Variants in C7orf78 observed in about 807,000 individuals in gnomAD.
C7orf78 encodes chromosome 7 open reading frame 78.
At chr7:12,517,935 G>T in the C7orf78 span, among the ~76,000 whole-genome samples, 9 of 151,976 alleles carry the variant, frequency 5.9e-5, no homozygotes, top group East Asian at 1.5e-3. Context: ...ATTCCTTTGG[G>T]GGTGTCATAT....
the C7orf78 span, among the ~76,000 whole-genome samples, chr7:12,496,141 G>A: frequency 5.9e-5 from 9 of 152,232 alleles, no homozygotes; most frequent in South Asian, 1.9e-3. Context: ...TAGCCAGGAT[G>A]GTCTCGATCT....
At chr7:12,516,711 G>A in the C7orf78 span, among the ~76,000 whole-genome samples, 289 of 152,338 alleles carry the variant, frequency 1.9e-3, 3 homozygotes, top group African/African-American at 6.4e-3. Context: ...TGACCTGGAT[G>A]TGAGACCTGG....
chr7:12,520,394 G>A, the C7orf78 span, among the ~76,000 whole-genome samples: 1 of 152,138 alleles, frequency 6.6e-6, no homozygotes, highest in Middle Eastern at 3.2e-3. Flanking sequence ...TTCCTTCTTA[G>A]AACTGCTTTT....
chr7:12,528,159 G>T, the C7orf78 span, among the ~76,000 whole-genome samples: 1 of 146,936 alleles, frequency 6.8e-6, no homozygotes, highest in African/African-American at 2.5e-5. Flanking sequence ...ACTCACTTTG[G>T]TAGAAAATGC....
At chr7:12,502,184 T>A in the C7orf78 span, among the ~76,000 whole-genome samples, 1 of 93,066 alleles carries the variant, frequency 1.1e-5, no homozygotes, top group Non-Finnish European at 2.2e-5. Flanking sequence ...AAGGACTTCA[T>A]GTCTAAAACA....
At chr7:12,521,466 G>A in the C7orf78 span, among the ~76,000 whole-genome samples, 1 of 151,578 alleles carries the variant, frequency 6.6e-6, no homozygotes, top group African/African-American at 2.4e-5. Context: ...TTCATAAACT[G>A]TTTCTTCTCC....
chr7:12,522,789 G>A, the C7orf78 span, among the ~76,000 whole-genome samples: 1 of 152,082 alleles, frequency 6.6e-6, no homozygotes. Flanking sequence ...CTGTGACAAA[G>A]GTGCTGAATA....
chr7:12,522,018 G>GA, the C7orf78 span, among the ~76,000 whole-genome samples: 1 of 151,862 alleles, frequency 6.6e-6, no homozygotes, highest in Non-Finnish European at 1.5e-5. Context: ...ACAAATTTTT[G>GA]AAAATGGACA....
chr7:12,515,596 A>G, the C7orf78 span, among the ~76,000 whole-genome samples: 3 of 152,096 alleles, frequency 2.0e-5, no homozygotes, highest in Non-Finnish European at 4.4e-5. Context: ...GGTTTCGAAG[A>G]AGGCAGGAAA....
At chr7:12,528,333 A>G in the C7orf78 span, among the ~76,000 whole-genome samples, 234 of 151,148 alleles carry the variant, frequency 1.5e-3, no homozygotes, top group East Asian at 0.024. Flanking sequence ...AATGCCATCT[A>G]GCTGTGTAAT....
At chr7:12,525,198 C>T in the C7orf78 span, among the ~76,000 whole-genome samples, 1 of 151,978 alleles carries the variant, frequency 6.6e-6, no homozygotes, top group African/African-American at 2.4e-5. Flanking sequence ...TTTTGTGCCA[C>T]GTTTACTTAG....
chr7:12,525,173 T>C, the C7orf78 span, among the ~76,000 whole-genome samples: 1 of 152,178 alleles, frequency 6.6e-6, no homozygotes, highest in African/African-American at 2.4e-5. Context: ...TAATTTCTGC[T>C]TGGTACCCTC....
chr7:12,484,796 G>C, the C7orf78 span, among the ~76,000 whole-genome samples: 2 of 151,962 alleles, frequency 1.3e-5, no homozygotes, highest in Admixed American at 1.3e-4. Context: ...TTGGACTAAA[G>C]CTTTCTACTT....
At chr7:12,488,469 T>C in the C7orf78 span, among the ~76,000 whole-genome samples, 1 of 152,070 alleles carries the variant, frequency 6.6e-6, no homozygotes, top group Non-Finnish European at 1.5e-5. Context: ...ACTTTTAGAA[T>C]AGTTATTGGA....
At chr7:12,504,249 T>G in the C7orf78 span, 1 of 152,168 alleles carries the variant, frequency 6.6e-6, no homozygotes, top group African/African-American at 2.4e-5. Flanking sequence ...GTATTGAGCT[T>G]GTTGTTGTGC....
the C7orf78 span, among the ~76,000 whole-genome samples, chr7:12,494,461 G>C: frequency 6.6e-6 from 1 of 152,034 alleles, no homozygotes. Context: ...AGGCTCCTTA[G>C]AAAAAAGGGA....
chr7:12,489,367 A>G, the C7orf78 span, among the ~76,000 whole-genome samples: 2,812 of 152,228 alleles, frequency 0.018, 81 homozygotes, highest in African/African-American at 0.064. Flanking sequence ...ATTAACGGAA[A>G]CAGAATTTTT....
At chr7:12,530,492 T>C in the C7orf78 span, 3 of 152,330 alleles carry the variant, frequency 2.0e-5, no homozygotes, top group East Asian at 3.9e-4. Flanking sequence ...TCTGTTTTAA[T>C]GTTAACGCTG....
chr7:12,525,724 C>G, the C7orf78 span: 1 of 388,134 alleles, frequency 2.6e-6, no homozygotes, highest in Non-Finnish European at 4.6e-6. Context: ...TTACGTTTTA[C>G]CAAGGAAATA....
Sources: allele counts gnomAD v4.1 joint callset (sites outside exome capture counted in the v4.1 genomes callset), GRCh38; gene constraint gnomAD v4.1.1; transcripts MANE v1.5; gene names NCBI Gene and HGNC (gene_info 2026-07-23, HGNC 2026-07-21).